SPTBN5: variants seen among roughly 807,000 people sequenced by gnomAD.
SPTBN5 encodes spectrin beta chain, non-erythrocytic 5.
SPTBN5 carries 513 observed loss-of-function variants against 477.6 expected under a neutral mutation model. The observed-to-expected ratio is 1.07, with a 90% CI of 1.00 to 1.16. The LOEUF (loss-of-function observed/expected upper bound fraction) is 1.16. SPTBN5 is among the 50% of genes most tolerant of loss of function. The pLI is 0.00. For synonymous variants in SPTBN5, 2,169 were observed against 2,011.7 expected (o/e 1.08, Z -2.09); for missense variants, 5,062 against 4,731.8 (o/e 1.07, Z -2.05).
At chr15:41,870,725 T>C (rs2066508388) in intron 29 of SPTBN5, among the ~76,000 whole-genome samples, 165 bp from the exon 30 acceptor site, 2 of 152,232 alleles carry the variant, frequency 1.3e-5, no homozygotes, top group African/African-American at 4.8e-5. Flanking sequence ...CCTACGCACC[T>C]TCTTCCTGGG....
chr15:41,889,043 C>A (rs1181602600), intron 4 of SPTBN5, among the ~76,000 whole-genome samples: 1 of 152,238 alleles, frequency 6.6e-6, no homozygotes. Context: ...CTGGAGGGGG[C>A]TGCAGACAGA....
chr15:41,856,659 G>A, intron 52 of SPTBN5, 61 bp from the exon 53 acceptor site: 3 of 1,465,352 alleles, frequency 2.0e-6, no homozygotes, highest in African/African-American at 1.4e-5. Context: ...TCCCACAGTT[G>A]TGCTTGAAGT....
chr15:41,884,281 C>T (rs1278018169), intron 7 of SPTBN5, among the ~76,000 whole-genome samples: 3 of 152,074 alleles, frequency 2.0e-5, no homozygotes, highest in Non-Finnish European at 4.4e-5. Context: ...CCACTGCGCC[C>T]GGCCAATTTT....
chr15:41,867,788 C>T, intron 34 of SPTBN5, 146 bp from the exon 35 acceptor site: 1 of 874,754 alleles, frequency 1.1e-6, no homozygotes, highest in East Asian at 2.4e-5. Flanking sequence ...GAGTGGGAGT[C>T]CAGGTTGGGA....
intron 31 of SPTBN5, 31 bp from the exon 32 acceptor site, chr15:41,870,051 G>A: frequency 1.4e-6 from 2 of 1,460,768 alleles, no homozygotes; most frequent in Middle Eastern, 2.1e-4. Flanking sequence ...AGGGAGGCAA[G>A]GGTCATGTCC....
intron 32 of SPTBN5, 143 bp from the exon 33 acceptor site, chr15:41,868,744 T>C: frequency 1.4e-6 from 1 of 712,670 alleles, no homozygotes; most frequent in Non-Finnish European, 2.3e-6. Flanking sequence ...GAGGCACATG[T>C]GGCCCTTTGT....
chr15:41,857,047 G>T lies in SPTBN5; in HGVS notation c.8622-8C>A. On this transcript the variant is annotated splice_polypyrimidine_tract_variant and splice_region_variant and intron_variant, in intron 51 of 67. Coordinates refer to ENST00000320955, the MANE Select transcript of SPTBN5 (RefSeq NM_016642.4). ...TCCCTCAGGCTCTTGAACCTGCAGC[G>T]GTGGAGGGTGGGACCAAGGGAGGCA... 1 of 1,597,210 alleles carries T rather than the reference G, an allele frequency of 6.3e-7. No homozygotes were observed. The highest frequency in any genetic ancestry group is 1.7e-5 in the Admixed American group (1 of 57,796).
chr15:41,854,284 G>T, intron 56 of SPTBN5, 79 bp from the exon 57 acceptor site: 1 of 1,502,246 alleles, frequency 6.7e-7, no homozygotes, highest in South Asian at 1.3e-5. Context: ...TGGCCTTCTG[G>T]GCCACCTCCT....
chr15:41,870,860 A>G (rs2066511575), intron 29 of SPTBN5, among the ~76,000 whole-genome samples: 1 of 152,212 alleles, frequency 6.6e-6, no homozygotes, highest in African/African-American at 2.4e-5. Context: ...CACCCAGGTT[A>G]TGATCACAGA....
intron 35 of SPTBN5, among the ~76,000 whole-genome samples, chr15:41,867,328 C>T (rs187734673): frequency 2.0e-3 from 310 of 152,294 alleles, no homozygotes; most frequent in Admixed American, 3.7e-3. Context: ...CCAAATGCCC[C>T]GTGTGGGTCT....
intron 39 of SPTBN5, among the ~76,000 whole-genome samples, chr15:41,864,991 T>C (rs1357405916): frequency 6.6e-6 from 1 of 152,222 alleles, no homozygotes; most frequent in Non-Finnish European, 1.5e-5. Context: ...CAAGCCCAGC[T>C]CCTTTGGAGT....
rs763333224 is a variant in SPTBN5 at position 41,870,047 on chromosome 15, G to A, written c.5674-27C>T. 4.1e-6 allele frequency: 6 copies of A among 1,463,572 alleles called. No homozygotes were observed. The South Asian group carries it at 5.7e-5, about 14-fold the overall frequency. 90.7% of individuals were successfully genotyped at this position (1,463,572 alleles called of 1,614,324 possible). On this transcript the variant is annotated intron_variant, in intron 31 of 67. Coordinates refer to ENST00000320955, the MANE Select transcript of SPTBN5 (RefSeq NM_016642.4). ...TGCGGGAGGGGCAGGGAATAGGGAG[G>A]CAAGGGTCATGTCCTCCTGATTATC...
rs1369441996 is a variant in SPTBN5 at position 41,860,665 on chromosome 15, C to A, written c.7909G>T (p.Ala2637Ser). The A allele has an allele frequency of 3.2e-6, 5 of 1,573,214 alleles. No individual in the cohort carries two copies. The highest frequency in any genetic ancestry group is 4.3e-6 in the Non-Finnish European group (5 of 1,160,134). The change falls in exon 47 of 68, where the codon GCC (alanine) becomes TCC (serine). Residue 2637 changes from alanine (A) to serine (S), a missense_variant. By Grantham distance (99) the Ala-to-Ser change is moderately conservative. Transcript: ENST00000320955. ...VQAGKISALE[A>S]TARGLHQGGH... ...CCCTGGTGCAGGCCGCGGGCCGTGG[C>A]CTCCAGAGCACTGATCTTTCCCGCC...
chr15:41,877,399 C>A, intron 17 of SPTBN5, 43 bp from the exon 18 acceptor site: 1 of 1,579,066 alleles, frequency 6.3e-7, no homozygotes, highest in East Asian at 2.3e-5. Flanking sequence ...CAGCAGGCTC[C>A]CTCGTCAGCC....
At position 41,861,873 on chromosome 15, in the gene SPTBN5, C is replaced by A; in HGVS notation, c.7599G>T (p.Gly2533=). 1 of 1,608,480 alleles carries A rather than the reference C, an allele frequency of 6.2e-7. No individual in the cohort carries two copies. The highest frequency in any genetic ancestry group is 8.5e-7 in the Non-Finnish European group (1 of 1,179,524). ...TDSISLARST[G]QQLLTAGHPF... Reference sequence around the variant, plus strand: ...GGTGCCCCGCTGTGAGCAGTTGCTGCCCAGTGCTTCGGGCCAGGCTGATGC... The same window carrying A: ...GGTGCCCCGCTGTGAGCAGTTGCTGACCAGTGCTTCGGGCCAGGCTGATGC... The change falls in exon 45 of 68, where the codon GGG becomes GGT. Residue 2533 remains glycine (G), a synonymous_variant. Transcript: ENST00000320955.
chr15:41,850,173 G>C, intron 66 of SPTBN5: 1 of 566,276 alleles, frequency 1.8e-6, no homozygotes, highest in Non-Finnish European at 3.2e-6. Context: ...CTCCTCACAG[G>C]TGAGTTAAGA....
intron 12 of SPTBN5, 74 bp from the exon 13 acceptor site, chr15:41,881,308 C>T: frequency 1.6e-6 from 2 of 1,286,336 alleles, no homozygotes; most frequent in Non-Finnish European, 2.2e-6. Context: ...CCACCCCTAC[C>T]TCCGTGCCCT....
At chr15:41,850,136 C>G in intron 66 of SPTBN5, 177 bp from the exon 67 acceptor site, 1 of 604,482 alleles carries the variant, frequency 1.7e-6, no homozygotes, top group Non-Finnish European at 3.0e-6. Context: ...GCAGGTTTTT[C>G]CCCCATGCGT....
At position 41,887,927 on chromosome 15, in the gene SPTBN5, C is replaced by T. The variant is rs1013367271; in HGVS notation, c.659+1G>A. 3 of 1,608,830 alleles carry T rather than the reference C, an allele frequency of 1.9e-6. No individual in the cohort carries two copies. The highest frequency in any genetic ancestry group is 1.7e-6 in the Non-Finnish European group (2 of 1,178,034). ...GCCTCCTGACAAGGGTGGGGTCACA[C>T]CTGTGGGCATGGATGAGGGCATTGA... is the stretch of plus-strand genomic sequence containing the variant. On this transcript the variant is annotated splice_donor_variant, in intron 5 of 67. Coordinates refer to ENST00000320955, the MANE Select transcript of SPTBN5 (RefSeq NM_016642.4). LOFTEE classifies it high-confidence loss of function.
Sources: gnomAD v4.1 joint callset for allele counts (sites outside exome capture counted in the v4.1 genomes callset) on GRCh38, gnomAD v4.1.1 for gene constraint, MANE v1.5 for transcripts, NCBI Gene and HGNC (gene_info 2026-07-23, HGNC 2026-07-21) for gene names.